The following CEP85L variants were observed in gnomAD, a reference collection of about 807,000 sequenced individuals.
The protein encoded by CEP85L is centrosomal protein of 85 kDa-like.
CEP85L carries 60 observed loss-of-function variants against 100.3 expected under a neutral mutation model. The observed-to-expected ratio is 0.60, with a 90% confidence interval of 0.49 to 0.74. The LOEUF is 0.74. Ranked by LOEUF, CEP85L falls within the 30% of genes least tolerant of loss-of-function variation. The pLI, the probability that CEP85L is intolerant of heterozygous loss-of-function variation, is 0.00. For missense variants in CEP85L, 973 were observed against 936.2 expected, an observed-to-expected ratio of 1.04 and a Z score of -0.51; for synonymous variants, 319 against 322.7, an observed-to-expected ratio of 0.99 and a Z score of 0.12.
At chr6:118,562,461 T>G (rs1395056071) in intron 3 of CEP85L, among the ~76,000 whole-genome samples, 2 of 151,880 alleles carry the variant, frequency 1.3e-5, no homozygotes, top group Non-Finnish European at 2.9e-5. Context: ...ACTCTTGGGG[T>G]GCAAAGGATT....
At chr6:118,651,911 A>T, upstream of CEP85L, 1 of 985,542 alleles carries the variant, frequency 1.0e-6, no homozygotes, top group East Asian at 1.1e-4. Context: ...CTCTGTGAAG[A>T]CACGTGGAAG....
At chr6:118,605,337 G>T (rs780309227) in intron 2 of CEP85L, among the ~76,000 whole-genome samples, 1 of 152,146 alleles carries the variant, frequency 6.6e-6, no homozygotes, top group Non-Finnish European at 1.5e-5. Context: ...ATCTCCCAGT[G>T]GGGGGTGGGG....
At chr6:118,620,775 A>G (rs1209534214) in intron 2 of CEP85L, among the ~76,000 whole-genome samples, 1 of 152,150 alleles carries the variant, frequency 6.6e-6, no homozygotes, top group Admixed American at 6.5e-5. Context: ...CTCAAGATCC[A>G]TTACCATCCA....
chr6:118,488,751 A>C (rs956531027), intron 6 of CEP85L, among the ~76,000 whole-genome samples: 2 of 152,204 alleles, frequency 1.3e-5, no homozygotes, highest in African/African-American at 4.8e-5. Flanking sequence ...AAATATGTAC[A>C]AAGACACAGT....
chr6:118,527,847 AATAACAG>A (rs1272409879), intron 3 of CEP85L, among the ~76,000 whole-genome samples: 2 of 152,198 alleles, frequency 1.3e-5, no homozygotes, highest in East Asian at 3.8e-4. Flanking sequence ...TTTAAATCCT[AATAACAG>A]TTGACATGTA....
At chr6:118,631,046 G>A (rs1047728574) in intron 2 of CEP85L, among the ~76,000 whole-genome samples, 5 of 152,190 alleles carry the variant, frequency 3.3e-5, no homozygotes, top group African/African-American at 1.2e-4. Flanking sequence ...GTTGGGGACT[G>A]CTACCCTAAT....
At chr6:118,595,412 G>A (rs1360009723) in intron 2 of CEP85L, among the ~76,000 whole-genome samples, 2 of 152,144 alleles carry the variant, frequency 1.3e-5, no homozygotes, top group African/African-American at 2.4e-5. Flanking sequence ...CTGGCTAAAC[G>A]AAAATTCCTC....
At chr6:118,500,665 A>G (rs2027884) in intron 5 of CEP85L, among the ~76,000 whole-genome samples, 147,579 of 152,300 alleles carry the variant, frequency 0.97, 71,523 homozygotes, top group East Asian at 1. Flanking sequence ...TTTTATTCCC[A>G]CGTTCACCCC....
At chr6:118,482,590 T>A (rs184253473) in intron 7 of CEP85L, among the ~76,000 whole-genome samples, 85 of 152,332 alleles carry the variant, frequency 5.6e-4, no homozygotes, top group African/African-American at 1.8e-3. Flanking sequence ...CTTTAGTTTA[T>A]CCATTTATCT....
chr6:118,562,368 T>G (rs1779272916), intron 3 of CEP85L, among the ~76,000 whole-genome samples: 2 of 152,214 alleles, frequency 1.3e-5, no homozygotes, highest in Non-Finnish European at 2.9e-5. Flanking sequence ...ATCAATTTTT[T>G]TTTTTTAAAT....
chr6:118,621,174 AAAATGGG>A (rs1773417570), intron 2 of CEP85L, among the ~76,000 whole-genome samples: 1 of 152,208 alleles, frequency 6.6e-6, no homozygotes, highest in Admixed American at 6.5e-5. Context: ...GCTTAGTGAG[AAAATGGG>A]ACAGTCCCTG....
chr6:118,538,355 A>C (rs983373036), intron 3 of CEP85L, among the ~76,000 whole-genome samples: 10 of 151,976 alleles, frequency 6.6e-5, no homozygotes, highest in African/African-American at 2.4e-4. Context: ...GAGTTACTTG[A>C]AAGGTAAAAG....
chr6:118,690,939 A>G (rs1477708776), intron 1 of CEP85L, among the ~76,000 whole-genome samples: 2 of 151,896 alleles, frequency 1.3e-5, no homozygotes, highest in African/African-American at 4.8e-5. Flanking sequence ...TAGAGGCTAG[A>G]GTGATTGTTA....
At chr6:118,559,769 T>C (rs543235354) in intron 3 of CEP85L, 1 of 168,338 alleles carries the variant, frequency 5.9e-6, no homozygotes, top group African/African-American at 2.4e-5. Flanking sequence ...ATCACAGAAT[T>C]CTAGTACATG....
chr6:118,493,234 A>G (rs1398103022), intron 5 of CEP85L, among the ~76,000 whole-genome samples: 1 of 152,220 alleles, frequency 6.6e-6, no homozygotes, highest in Admixed American at 6.5e-5. Flanking sequence ...TAAAAAGGTT[A>G]AAAAGTAGAT....
At chr6:118,530,016 A>C (rs1777201914) in intron 3 of CEP85L, among the ~76,000 whole-genome samples, 1 of 152,188 alleles carries the variant, frequency 6.6e-6, no homozygotes, top group Non-Finnish European at 1.5e-5. Flanking sequence ...GGATGTAATA[A>C]AATCCAGGCC....
chr6:118,508,256 T>C (rs1421039397), intron 5 of CEP85L, among the ~76,000 whole-genome samples: 2 of 151,922 alleles, frequency 1.3e-5, no homozygotes, highest in Admixed American at 6.6e-5. Context: ...AAAAAAATGA[T>C]ATAAATGGAA....
chr6:118,584,844 T>G (rs1209166357), intron 2 of CEP85L, among the ~76,000 whole-genome samples: 1 of 152,262 alleles, frequency 6.6e-6, no homozygotes, highest in East Asian at 1.9e-4. Flanking sequence ...GGCTAACAGA[T>G]AGCTGACTTC....
At chr6:118,697,041 A>C (rs1222935941) in intron 1 of CEP85L, among the ~76,000 whole-genome samples, 2 of 152,298 alleles carry the variant, frequency 1.3e-5, no homozygotes, top group African/African-American at 2.4e-5. Context: ...CTAACCCCAC[A>C]GCAGACTCCC....
Sources: allele counts gnomAD v4.1 joint callset (sites outside exome capture counted in the v4.1 genomes callset), GRCh38; gene constraint gnomAD v4.1.1; transcripts MANE v1.5; gene names NCBI Gene and HGNC (gene_info 2026-07-23, HGNC 2026-07-21).